The following POLR1A variants were observed in gnomAD, a reference collection of about 807,000 sequenced individuals.
POLR1A encodes the protein RNA polymerase I subunit A, also known as DNA-directed RNA polymerase I subunit RPA1.
A neutral mutation model predicts 205.3 loss-of-function variants in POLR1A; 84 were observed. That is an observed-to-expected ratio of 0.41 (90% CI 0.34 to 0.49). POLR1A has a LOEUF of 0.49. Ranked by LOEUF, POLR1A falls within the 20% of genes least tolerant of loss-of-function variation. POLR1A has a pLI of 0.22. For missense variants in POLR1A, 1,645 were observed against 2,204.5 expected (o/e 0.75, Z 5.08); for synonymous variants, 799 against 863.7 (o/e 0.93, Z 1.31).
intron 24 of POLR1A, among the ~76,000 whole-genome samples, chr2:86,040,836 T>C (rs1428334858): frequency 6.6e-6 from 1 of 152,110 alleles, no homozygotes; most frequent in Non-Finnish European, 1.5e-5. Flanking sequence ...ACATATCCAC[T>C]CTGGGACTGT....
intron 14 of POLR1A, among the ~76,000 whole-genome samples, chr2:86,058,145 G>T (rs544206860): frequency 3.8e-4 from 58 of 152,316 alleles, no homozygotes; most frequent in African/African-American, 1.3e-3. Context: ...CTGTCGCCCA[G>T]GCTGGAGTGC....
intron 14 of POLR1A, among the ~76,000 whole-genome samples, chr2:86,055,578 G>A (rs193300885): frequency 6.6e-6 from 1 of 152,276 alleles, no homozygotes; most frequent in Non-Finnish European, 1.5e-5. Context: ...CAACCAAGGT[G>A]CCACATGCAC....
Position 86,028,008 on chromosome 2 carries a change from A to C in POLR1A, c.4939T>G (p.Tyr1647Asp), listed in dbSNP as rs748645552. ...DPRHLSLVADYMCFEGVYKPL... is the reference protein window; with the variant it reads ...DPRHLSLVADDMCFEGVYKPL... The stretch of plus-strand genomic sequence containing the variant: ...TTGTAAACACCCTCGAAGCACATAT[A>C]ATCAGCAACCAGGGAGAGATGGCGA... The change falls in exon 33 of 34, where the codon TAT (tyrosine) becomes GAT (aspartate). Residue 1647 changes from tyrosine (Y) to aspartate (D), a missense_variant. Around this residue, in one of 16 missense-constraint regions of POLR1A, gnomAD observed 86 missense variants for 149.8 expected, o/e 0.57. Coordinates refer to ENST00000263857, the MANE Select transcript of POLR1A (RefSeq NM_015425.6). The surrounding 1 kb of genome is among the most constrained non-coding windows in gnomAD (Gnocchi z 4.5). 3 of 1,614,210 alleles carry C rather than the reference A, an allele frequency of 1.9e-6. No individual in the cohort carries two copies. Among genetic ancestry groups the C allele is most frequent in the Non-Finnish European group, 2.5e-6 (3 of 1,180,038 alleles).
At chr2:86,027,805 T>C in intron 33 of POLR1A, 80 bp downstream of exon 33, 1 of 1,499,968 alleles carries the variant, frequency 6.7e-7, no homozygotes, top group Non-Finnish European at 9.2e-7. Context: ...CAAGGAACCA[T>C]GGAAAGATGC....
intron 13 of POLR1A, among the ~76,000 whole-genome samples, chr2:86,068,386 C>G (rs888095174): frequency 0.025 from 310 of 12,208 alleles, no homozygotes; most frequent in African/African-American, 0.041. Context: ...AGCACATGGG[C>G]GGGGGGGGGG....
rs145843901 is a variant in POLR1A, at chr2:86,034,742, C to G, written c.4035-955G>C. On this transcript the variant is annotated intron_variant, in intron 27 of 33. Transcript: ENST00000263857. ...GCCAGCCCTGGTGGCAAAGCAAGGACGAAAAGACAGACTCCAGGCCCTCAA... is the reference window on the plus strand; with the variant it reads ...GCCAGCCCTGGTGGCAAAGCAAGGAGGAAAAGACAGACTCCAGGCCCTCAA... Among the ~76,000 whole-genome samples, 679 of 152,226 alleles carry G rather than the reference C, an allele frequency of 4.5e-3. 3 individuals carry two copies. Among genetic ancestry groups the G allele is most frequent in the Non-Finnish European group, 6.0e-3 (409 of 68,008 alleles).
At chr2:86,081,557 G>A in intron 8 of POLR1A, 44 bp downstream of exon 8, 1 of 1,263,434 alleles carries the variant, frequency 7.9e-7, no homozygotes, top group Non-Finnish European at 1.1e-6. Context: ...CAGTTCCTTA[G>A]TACGCTTTTT....
intron 12 of POLR1A, among the ~76,000 whole-genome samples, chr2:86,073,365 G>A (rs1440086895): frequency 6.6e-6 from 1 of 152,156 alleles, no homozygotes. Flanking sequence ...TGGCAGAGCT[G>A]AGCAGCTACA....
intron 3 of POLR1A, among the ~76,000 whole-genome samples, chr2:86,097,023 A>T (rs1673716258): frequency 6.6e-6 from 1 of 152,056 alleles, no homozygotes; most frequent in Non-Finnish European, 1.5e-5. Context: ...TCTCAACAGC[A>T]AAAATCCCAA....
intron 1 of POLR1A, among the ~76,000 whole-genome samples, chr2:86,104,872 A>C (rs1673891793): frequency 6.6e-6 from 1 of 152,236 alleles, no homozygotes; most frequent in African/African-American, 2.4e-5. Flanking sequence ...CAGGGAAATA[A>C]ATTTGCGTTG....
chr2:86,038,945 C>T, intron 26 of POLR1A, 88 bp from the exon 27 acceptor site: 1 of 1,221,432 alleles, frequency 8.2e-7, no homozygotes, highest in Non-Finnish European at 1.2e-6. Context: ...CAAGGGTTTA[C>T]AGAGATAGCA....
chr2:86,030,147 G>C (rs778823448), intron 31 of POLR1A, 49 bp downstream of exon 31: 1 of 1,482,656 alleles, frequency 6.7e-7, no homozygotes, highest in East Asian at 2.3e-5. Context: ...GAGACAACGT[G>C]GGGTGAGGAC....
intron 4 of POLR1A, 22 bp downstream of exon 4, chr2:86,089,800 G>C (rs1469423316): frequency 7.3e-7 from 1 of 1,374,610 alleles, no homozygotes; most frequent in Non-Finnish European, 1.0e-6. Context: ...AACAGCATGG[G>C]AGAAAGACAG....
intron 4 of POLR1A, 118 bp from the exon 5 acceptor site, chr2:86,088,988 T>C: frequency 1.5e-6 from 1 of 664,490 alleles, no homozygotes. Flanking sequence ...CCACCACCAC[T>C]TTCTTAAACA....
intron 8 of POLR1A, 133 bp from the exon 9 acceptor site, chr2:86,081,111 TC>T: frequency 1.3e-6 from 1 of 788,782 alleles, no homozygotes; most frequent in Non-Finnish European, 2.0e-6. Context: ...TAACCAACAT[TC>T]CGGCTGGGTG....
At position 86,027,412 on chromosome 2, in the gene POLR1A, C is replaced by T. The variant is rs1393603910; in HGVS notation, c.*11G>A. 10 of 1,610,240 alleles carry T rather than the reference C, an allele frequency of 6.2e-6. No individual in the cohort carries two copies. Among genetic ancestry groups the T allele is most frequent in the Non-Finnish European group, 8.5e-6 (10 of 1,176,602 alleles). On this transcript the variant is annotated 3_prime_UTR_variant, in exon 34 of 34. Transcript: ENST00000263857. ...GTCCTTGGAGCTGGGCAGATGGTGC[C>T]GGGGTAGCTGCTATCTCAGAGGCTG...
In POLR1A at chr2:86,025,804, T is replaced by C. The variant is rs1025306599; in HGVS notation, c.*1619A>G. ...TGAATATGGCCTTTAACTCAAAGAA[T>C]GAATGTCTTACCCTGCAGGCTGGGC... On this transcript the variant is annotated 3_prime_UTR_variant, in exon 34 of 34. Coordinates refer to ENST00000263857, the MANE Select transcript of POLR1A (RefSeq NM_015425.6). 3 of 152,236 alleles carry C rather than the reference T, an allele frequency of 2.0e-5. No individual in the cohort carries two copies. The highest frequency in any genetic ancestry group is 4.4e-5 in the Non-Finnish European group (3 of 68,048). 9.4% of individuals were successfully genotyped at this position (152,236 alleles called of 1,614,324 possible). A position where few individuals can be genotyped will look rare whatever the true frequency, so the allele number is the denominator to read the frequency against.
chr2:86,061,997 T>C (rs1279944919), intron 14 of POLR1A, among the ~76,000 whole-genome samples: 1 of 152,168 alleles, frequency 6.6e-6, no homozygotes, highest in Non-Finnish European at 1.5e-5. Context: ...TGCATGCTCT[T>C]TGAACAAATA....
At position 86,078,021 on chromosome 2, in the gene POLR1A, A is replaced by G. The variant is rs754491456; in HGVS notation, c.1258-40T>C. ...AAGGTCATAAAAAACATTCAACAAGAATTCCAGTAGGCTTATTAGTTTCTT... is the reference window on the plus strand; with the variant it reads ...AAGGTCATAAAAAACATTCAACAAGGATTCCAGTAGGCTTATTAGTTTCTT... On this transcript the variant is annotated intron_variant, in intron 10 of 33. Transcript: ENST00000263857. 5 of 1,613,624 alleles carry G rather than the reference A, an allele frequency of 3.1e-6. No homozygotes were observed. In the East Asian group the frequency reaches 6.7e-5, roughly 22 times the overall value.
Sources: allele counts gnomAD v4.1 joint callset (sites outside exome capture counted in the v4.1 genomes callset), GRCh38; gene constraint gnomAD v4.1.1; regional missense constraint gnomAD v4.1.1; non-coding constraint Gnocchi (gnomAD v3.1); transcripts MANE v1.5; gene names NCBI Gene and HGNC (gene_info 2026-07-23, HGNC 2026-07-21).